The following EPC2 variants were observed in gnomAD, a reference collection of about 807,000 sequenced individuals.
EPC2 encodes the protein enhancer of polycomb homolog 2.
Under a neutral mutation model 92.1 loss-of-function variants are expected in EPC2, and 14 were observed. The observed-to-expected ratio is 0.15, with a 90% CI of 0.10 to 0.24. The LOEUF (loss-of-function observed/expected upper bound fraction) is 0.24. Ranked by LOEUF, EPC2 falls within the 10% of genes least tolerant of loss-of-function variation. The probability of loss-of-function intolerance (pLI) is 1.00; values close to 1 mark genes in which losing one functional copy is unlikely to be tolerated. For missense variants in EPC2, 755 were observed against 971.5 expected (o/e 0.78, Z 2.96); for synonymous variants, 340 against 334.7 (o/e 1.02, Z -0.17).
chr2:148,681,598 A>C (rs1681397308), intron 1 of EPC2, among the ~76,000 whole-genome samples: 2 of 152,308 alleles, frequency 1.3e-5, no homozygotes, highest in Middle Eastern at 3.4e-3. Flanking sequence ...TTTTACATTC[A>C]GTACTCTCTG....
At chr2:148,726,725 T>C (rs1682502323) in intron 2 of EPC2, among the ~76,000 whole-genome samples, 1 of 148,146 alleles carries the variant, frequency 6.8e-6, no homozygotes, top group African/African-American at 2.4e-5. Flanking sequence ...AAAAAATCTT[T>C]AAATTTTTGC....
intron 1 of EPC2, among the ~76,000 whole-genome samples, chr2:148,685,806 A>G (rs1231354381): frequency 6.6e-6 from 1 of 152,246 alleles, no homozygotes; most frequent in East Asian, 1.9e-4. Flanking sequence ...TGCTTATACT[A>G]TACTGTGGTC....
intron 2 of EPC2, among the ~76,000 whole-genome samples, chr2:148,708,481 C>T (rs1420882863): frequency 6.6e-6 from 1 of 152,186 alleles, no homozygotes; most frequent in African/African-American, 2.4e-5. Flanking sequence ...GGAATCCTCT[C>T]TAACTCATTT....
chr2:148,667,269 C>T (rs1681074108), intron 1 of EPC2, among the ~76,000 whole-genome samples: 1 of 152,190 alleles, frequency 6.6e-6, no homozygotes, highest in Non-Finnish European at 1.5e-5. Flanking sequence ...CACATAGCAA[C>T]TGAGTCAGAC....
intron 2 of EPC2, among the ~76,000 whole-genome samples, chr2:148,706,472 A>T (rs921624762): frequency 1.3e-5 from 2 of 152,186 alleles, no homozygotes; most frequent in East Asian, 1.9e-4. Context: ...GCAGGCCAAC[A>T]TTCAAATTCA....
chr2:148,722,819 A>G (rs1295525770), intron 2 of EPC2, among the ~76,000 whole-genome samples: 1 of 152,250 alleles, frequency 6.6e-6, no homozygotes, highest in East Asian at 1.9e-4. Flanking sequence ...TGGTACATAT[A>G]CACGATACAT....
At chr2:148,654,539 T>C (rs905801229) in intron 1 of EPC2, among the ~76,000 whole-genome samples, 6 of 152,094 alleles carry the variant, frequency 3.9e-5, no homozygotes, top group Admixed American at 6.5e-5. Flanking sequence ...GTACCTGTAG[T>C]CTCAGCTACT....
At chr2:148,778,215 A>G (rs1318144179) in intron 10 of EPC2, among the ~76,000 whole-genome samples, 1 of 152,184 alleles carries the variant, frequency 6.6e-6, no homozygotes, top group African/African-American at 2.4e-5. Flanking sequence ...TAAGCTAGCA[A>G]CTTAAGATCA....
At chr2:148,758,890 G>A (rs183466067) in intron 4 of EPC2, among the ~76,000 whole-genome samples, 174 of 152,186 alleles carry the variant, frequency 1.1e-3, no homozygotes, top group East Asian at 4.8e-3. Flanking sequence ...GAATTTAATC[G>A]TGGAAAAACA....
intron 1 of EPC2, among the ~76,000 whole-genome samples, chr2:148,688,846 T>G (rs1172484059): frequency 6.6e-6 from 1 of 152,132 alleles, no homozygotes; most frequent in Non-Finnish European, 1.5e-5. Flanking sequence ...AATCATTGCC[T>G]CCTTGGAACT....
intron 2 of EPC2, among the ~76,000 whole-genome samples, chr2:148,741,359 G>A (rs1380653042): frequency 1.3e-5 from 2 of 151,938 alleles, no homozygotes; most frequent in East Asian, 1.9e-4. Flanking sequence ...ATTTATTTTT[G>A]TTTTTATTAT....
At chr2:148,677,511 T>TA (rs1574576188) in intron 1 of EPC2, among the ~76,000 whole-genome samples, 1 of 152,184 alleles carries the variant, frequency 6.6e-6, no homozygotes, top group African/African-American at 2.4e-5. Context: ...TCCATCTCTA[T>TA]AAAAAATTTT....
chr2:148,754,253 A>G (rs1683138461), intron 4 of EPC2, 120 bp downstream of exon 4: 3 of 809,628 alleles, frequency 3.7e-6, no homozygotes, highest in East Asian at 5.4e-5. Context: ...ATGACTTTCT[A>G]TAAGAAATCC....
At chr2:148,777,682 T>A (rs1475296095) in intron 10 of EPC2, among the ~76,000 whole-genome samples, 1 of 152,114 alleles carries the variant, frequency 6.6e-6, no homozygotes, top group East Asian at 1.9e-4. Context: ...AAAGTCACCC[T>A]AAGCAGAGCA....
In EPC2 at chr2:148,761,920, G is replaced by A. The variant is rs774085633; in HGVS notation, c.805G>A (p.Val269Met). 1.9e-6 allele frequency: 3 copies of A among 1,585,862 alleles called. No homozygotes were observed. In the South Asian group the frequency reaches 3.6e-5, roughly 19 times the overall value. The stretch of plus-strand genomic sequence containing the variant: ...ATTATTGCACTTAACCTTAGAAGTT[G>A]TGGAGAAAAGGTAACATTGCTCCTG... ...RELLHLTLEV[V>M]EKRYHLGDYG... is the part of the protein sequence containing the mutation. Residue 269 changes from valine to methionine, a missense_variant, in exon 5 of 14, where the codon GTG becomes ATG. Physicochemically the swap from Val to Met is conservative, Grantham distance 21 (BLOSUM62 1). Coordinates refer to ENST00000258484, the MANE Select transcript of EPC2 (RefSeq NM_015630.4).
intron 2 of EPC2, among the ~76,000 whole-genome samples, chr2:148,738,001 C>T (rs1050867579): frequency 2.0e-5 from 3 of 152,090 alleles, no homozygotes; most frequent in Non-Finnish European, 2.9e-5. Flanking sequence ...TTGTCTGTCC[C>T]CTGCAGCCAT....
chr2:148,673,806 A>G (rs1232385138), intron 1 of EPC2, among the ~76,000 whole-genome samples: 1 of 152,042 alleles, frequency 6.6e-6, no homozygotes, highest in Non-Finnish European at 1.5e-5. Flanking sequence ...GGCTGGTCTC[A>G]AACTCCTGAC....
intron 1 of EPC2, among the ~76,000 whole-genome samples, chr2:148,648,643 C>G (rs1159921485): frequency 6.6e-6 from 1 of 152,146 alleles, no homozygotes; most frequent in Non-Finnish European, 1.5e-5. Flanking sequence ...CCCATTCCCC[C>G]TCTATCCCCA....
At chr2:148,656,982 T>A (rs571905969) in intron 1 of EPC2, among the ~76,000 whole-genome samples, 1 of 152,306 alleles carries the variant, frequency 6.6e-6, no homozygotes, top group East Asian at 1.9e-4. Context: ...GATTCCTGTA[T>A]GCCAGAATGC....
Sources: gnomAD v4.1 joint callset for allele counts (sites outside exome capture counted in the v4.1 genomes callset) on GRCh38, gnomAD v4.1.1 for gene constraint, MANE v1.5 for transcripts, NCBI Gene and HGNC (gene_info 2026-07-23, HGNC 2026-07-21) for gene names.